The following SH3D19 variants were observed in gnomAD, a reference collection of about 807,000 sequenced individuals.
SH3D19 encodes the protein SH3 domain containing 19.
A neutral mutation model predicts 112.1 loss-of-function variants in SH3D19; 58 were observed. The ratio of observed to expected loss-of-function variants is 0.52; its 90% CI spans 0.42 to 0.64. SH3D19 has a LOEUF of 0.64. Ranked by LOEUF, SH3D19 falls within the 30% of genes least tolerant of loss-of-function variation. The probability of loss-of-function intolerance (pLI) is 0.00; values close to 1 mark genes in which losing one functional copy is unlikely to be tolerated. For missense variants in SH3D19, 1,090 were observed against 1,263.4 expected (o/e 0.86, Z 2.08); for synonymous variants, 391 against 448.5 (o/e 0.87, Z 1.62).
At chr4:151,132,704 T>G (rs1750980084) in intron 16 of SH3D19, among the ~76,000 whole-genome samples, 2 of 152,176 alleles carry the variant, frequency 1.3e-5, no homozygotes, top group South Asian at 4.1e-4. Context: ...GGTACAATCA[T>G]AGCTCACTGC....
intron 1 of SH3D19, among the ~76,000 whole-genome samples, chr4:151,260,183 C>G (rs1772263838): frequency 6.6e-6 from 1 of 152,174 alleles, no homozygotes; most frequent in Non-Finnish European, 1.5e-5. Context: ...ATCCATCACC[C>G]AAATAATGTA....
At chr4:151,199,889 C>A (rs1385715581) in intron 2 of SH3D19, among the ~76,000 whole-genome samples, 3 of 152,084 alleles carry the variant, frequency 2.0e-5, no homozygotes, top group African/African-American at 7.2e-5. Flanking sequence ...CCATCAAATT[C>A]ATATATTGAA....
chr4:151,183,018 G>A (rs1343591908), intron 3 of SH3D19, among the ~76,000 whole-genome samples: 1 of 149,986 alleles, frequency 6.7e-6, no homozygotes, highest in Non-Finnish European at 1.5e-5. Flanking sequence ...TTGAGCTGGG[G>A]TCTCTCTCTG....
rs1480536777 is a variant in SH3D19, at chr4:151,144,442, T to C, written c.2083-392A>G. The C allele has an allele frequency of 1.1e-5, 7 of 651,068 alleles. No homozygotes were observed. In the African/African-American group the frequency reaches 1.3e-4, roughly 12 times the overall value. 40.3% of individuals were successfully genotyped at this position (651,068 alleles called of 1,614,324 possible). On this transcript the variant is annotated intron_variant, in intron 11 of 19. Transcript: ENST00000604030. ...CATCGCGCTCTAGATCAATGGAGCC[T>C]GCCATTTCTCATGGATGTTAAGAGG... is the stretch of plus-strand genomic sequence containing the variant.
At position 151,194,247 on chromosome 4, in the gene SH3D19, A is replaced by G. The variant is rs543398093; in HGVS notation, c.153-6784T>C. On this transcript the variant is annotated intron_variant, in intron 2 of 19. Coordinates refer to ENST00000604030, the MANE Select transcript of SH3D19 (RefSeq NM_001378122.1). ...CTCACCAGTTGGCCAGGCTGGTCTT[A>G]CACTCTTGACCTCAAGTGATCCACC... 1.7e-4 allele frequency among the ~76,000 whole-genome samples: 26 copies of G among 149,990 alleles called. No homozygotes were observed. The South Asian group carries it at 5.5e-3, about 32-fold the overall frequency.
chr4:151,154,426 G>A (rs918631120), intron 9 of SH3D19, among the ~76,000 whole-genome samples: 4 of 146,482 alleles, frequency 2.7e-5, no homozygotes, highest in South Asian at 2.1e-4. Context: ...GAACCATTGC[G>A]CCCGGCCCAC....
In SH3D19 at chr4:151,121,596, C is replaced by G. The variant is rs1343223525; in HGVS notation, c.*495G>C. The G allele has an allele frequency of 6.6e-6, 1 of 152,260 alleles. No homozygotes were observed. Among genetic ancestry groups the G allele is most frequent in the East Asian group, 1.9e-4 (1 of 5,198 alleles). 9.4% of individuals were successfully genotyped at this position (152,260 alleles called of 1,614,324 possible). A position where few individuals can be genotyped will look rare whatever the true frequency, so the allele number is the denominator to read the frequency against. ...CTATCCCATCTGAAGGAAGGATTTG[C>G]TCTGGTAATAAGGCTGATATGCTCA... is the stretch of plus-strand genomic sequence containing the variant. On this transcript the variant is annotated 3_prime_UTR_variant, in exon 20 of 20. Transcript: ENST00000604030.
chr4:151,254,808 T>G (rs6826839), intron 1 of SH3D19, among the ~76,000 whole-genome samples: 13,621 of 151,716 alleles, frequency 0.09, 738 homozygotes, highest in East Asian at 0.2. Context: ...GCCATTGTCA[T>G]CCTGGCCCGT....
intron 2 of SH3D19, among the ~76,000 whole-genome samples, chr4:151,207,765 C>T (rs1765321430): frequency 6.6e-6 from 1 of 152,178 alleles, no homozygotes; most frequent in Non-Finnish European, 1.5e-5. Context: ...GGCTTATGCT[C>T]CTTCACAGAA....
At position 151,235,144 on chromosome 4, in the gene SH3D19, G is replaced by A. The variant is rs1466321120; in HGVS notation, c.113-9058C>T. Among the ~76,000 whole-genome samples, 3 of 152,068 alleles carry A rather than the reference G, an allele frequency of 2.0e-5. No individual in the cohort carries two copies. In the East Asian group the frequency reaches 5.8e-4, roughly 29 times the overall value. The stretch of plus-strand genomic sequence containing the variant: ...CAGATTACTTTGTCACCCAGGTAAT[G>A]AGCACAGCACCCAACAGGTCATTTT... On this transcript the variant is annotated intron_variant, in intron 1 of 19. Coordinates refer to ENST00000604030, the MANE Select transcript of SH3D19 (RefSeq NM_001378122.1).
At chr4:151,157,231 G>A (rs72723732) in intron 9 of SH3D19, among the ~76,000 whole-genome samples, 403 of 150,348 alleles carry the variant, frequency 2.7e-3, no homozygotes, top group Non-Finnish European at 4.0e-3. Context: ...CAGCCCAGGA[G>A]ACAGAGTAAG....
chr4:151,149,500 C>T lies in SH3D19; in HGVS notation c.1817G>A (p.Arg606Lys). 3 of 1,609,366 alleles carry T rather than the reference C, an allele frequency of 1.9e-6. No homozygotes were observed. The highest frequency in any genetic ancestry group is 1.3e-5 in the African/African-American group (1 of 74,920). ...FVRVPPRLPP[R>K]PVNGKTIPTQ... is the part of the protein sequence containing the mutation. ...TCTAACTTTTCCCACATTTACTTACCTCGGTGGCAACCTTGGGGGTACTCG... is the reference window on the plus strand; with the variant it reads ...TCTAACTTTTCCCACATTTACTTACTTCGGTGGCAACCTTGGGGGTACTCG... Residue 606 changes from arginine (R) to lysine (K), a missense_variant and splice_region_variant, in exon 10 of 20, where the codon AGA becomes AAA. By Grantham distance (26) the Arg-to-Lys change is conservative (BLOSUM62 2). Coordinates refer to ENST00000604030, the MANE Select transcript of SH3D19 (RefSeq NM_001378122.1).
chr4:151,307,484 G>A (rs1484340608), intron 1 of SH3D19, among the ~76,000 whole-genome samples: 1 of 152,244 alleles, frequency 6.6e-6, no homozygotes, highest in Non-Finnish European at 1.5e-5. Context: ...TCGCGTCTGG[G>A]CGCCAACCCT....
intron 2 of SH3D19, among the ~76,000 whole-genome samples, chr4:151,199,985 T>C (rs776847992): frequency 6.6e-6 from 1 of 152,102 alleles, no homozygotes; most frequent in African/African-American, 2.4e-5. Context: ...ATGAATGGGA[T>C]TAATGTTCTC....
chr4:151,285,299 T>C (rs529466131), intron 1 of SH3D19, among the ~76,000 whole-genome samples: 1 of 152,310 alleles, frequency 6.6e-6, no homozygotes, highest in South Asian at 2.1e-4. Context: ...AAGAGCGGAA[T>C]ATACTTTCCT....
Position 151,310,841 on chromosome 4 carries a change from G to A in SH3D19, c.112+14400C>T, listed in dbSNP as rs183830544. 2.9e-3 allele frequency among the ~76,000 whole-genome samples: 435 copies of A among 151,408 alleles called. 2 individuals carry two copies. The highest frequency in any genetic ancestry group is 0.027 in the Middle Eastern group (8 of 294). ...CCCACCTCGGCCTCCCAAAAGTGCT[G>A]GGATTACAGGTATGATTCACCATGC... On this transcript the variant is annotated intron_variant, in intron 1 of 19. Transcript: ENST00000604030.
intron 1 of SH3D19, among the ~76,000 whole-genome samples, chr4:151,240,478 T>G (rs751144712): frequency 6.6e-6 from 1 of 151,730 alleles, no homozygotes; most frequent in Non-Finnish European, 1.5e-5. Flanking sequence ...GTACTGCACA[T>G]GAGGCTTAAT....
At chr4:151,308,981 G>A (rs1338682772) in intron 1 of SH3D19, among the ~76,000 whole-genome samples, 1 of 152,000 alleles carries the variant, frequency 6.6e-6, no homozygotes, top group East Asian at 1.9e-4. Context: ...CAATTCTCAT[G>A]CTCCACCCTC....
intron 3 of SH3D19, among the ~76,000 whole-genome samples, chr4:151,184,411 T>C (rs920370369): frequency 6.6e-6 from 1 of 152,190 alleles, no homozygotes; most frequent in Non-Finnish European, 1.5e-5. Context: ...CATTCTGTAT[T>C]TATATGTTAT....
Sources: gnomAD v4.1 joint callset for allele counts (sites outside exome capture counted in the v4.1 genomes callset) on GRCh38, gnomAD v4.1.1 for gene constraint, MANE v1.5 for transcripts, NCBI Gene and HGNC (gene_info 2026-07-23, HGNC 2026-07-21) for gene names.